The following ABCA5 variants were observed in gnomAD, a reference collection of about 807,000 sequenced individuals.
ABCA5 encodes the protein ATP binding cassette subfamily A member 5, also known as cholesterol transporter ABCA5.
Under a neutral mutation model 206.0 loss-of-function variants are expected in ABCA5, and 163 were observed. That is an observed-to-expected ratio of 0.79 (90% CI 0.70 to 0.90). The LOEUF (loss-of-function observed/expected upper bound fraction) is 0.90, where lower values mean the gene tolerates loss of function less well. Ranked by LOEUF, ABCA5 falls within the 40% of genes least tolerant of loss-of-function variation. The pLI, the probability that ABCA5 is intolerant of heterozygous loss-of-function variation, is 0.00. For missense variants in ABCA5, 1,859 were observed against 1,912.9 expected (o/e 0.97, Z 0.53); for synonymous variants, 609 against 613.8 (o/e 0.99, Z 0.11).
chr17:69,319,663 A>G (rs370580051), intron 1 of ABCA5, among the ~76,000 whole-genome samples: 13 of 152,352 alleles, frequency 8.5e-5, no homozygotes, highest in African/African-American at 2.6e-4. Flanking sequence ...AAGTTTACAC[A>G]TTCTTACTCT....
chr17:69,269,439 C>T (rs946476049), intron 22 of ABCA5, among the ~76,000 whole-genome samples: 5 of 152,172 alleles, frequency 3.3e-5, no homozygotes, highest in African/African-American at 9.7e-5. Context: ...TCCACAGACA[C>T]TGCTGCTGGA....
intron 24 of ABCA5, 77 bp downstream of exon 24, chr17:69,264,658 T>C (rs2144920620): frequency 1.9e-6 from 2 of 1,050,222 alleles, no homozygotes; most frequent in East Asian, 2.9e-5. Context: ...ATGCAATAAG[T>C]CAACTGTCAT....
At chr17:69,280,085 A>C (rs1179870811) in intron 18 of ABCA5, among the ~76,000 whole-genome samples, 1 of 152,174 alleles carries the variant, frequency 6.6e-6, no homozygotes, top group Non-Finnish European at 1.5e-5. Context: ...CTACCATCAG[A>C]GTGAACAGGC....
At chr17:69,308,013 A>G (rs999259390) in intron 5 of ABCA5, among the ~76,000 whole-genome samples, 1 of 152,166 alleles carries the variant, frequency 6.6e-6, no homozygotes. Flanking sequence ...TTCTAAGGTA[A>G]CTTCATCTAC....
At position 69,326,315 on chromosome 17, in the gene ABCA5, C is replaced by T. The variant is rs1163416223; in HGVS notation, c.-16+737G>A. On this transcript the variant is annotated intron_variant, in intron 1 of 38. Coordinates refer to ENST00000392676, the MANE Select transcript of ABCA5 (RefSeq NM_172232.4). This position sits in a 1 kb window ranked among gnomAD's most constrained non-coding sequence, Gnocchi z 4.8. ...CCTCTTCCCTTAGATTCCTTCAGAA[C>T]GCCCTTGTAGAAAGTAAACGTGGTT... Among the ~76,000 whole-genome samples the T allele has an allele frequency of 6.6e-6, 1 of 152,212 alleles. No homozygotes were observed. Among genetic ancestry groups the T allele is most frequent in the Non-Finnish European group, 1.5e-5 (1 of 68,044 alleles).
intron 11 of ABCA5, among the ~76,000 whole-genome samples, chr17:69,293,871 TGCGTGTGTGTGTGTTTGTGTG>T (rs2075556315): frequency 8.7e-6 from 1 of 115,298 alleles, no homozygotes; most frequent in African/African-American, 3.2e-5. Context: ...TGTGTGTGTG[TGCGTGTGTGTGTGTTTGTGTG>T]TGTGTGTATT....
In ABCA5 at chr17:69,250,514, C is replaced by G. The variant is rs758907008; in HGVS notation, c.4643G>C (p.Arg1548Thr). The G allele has an allele frequency of 1.2e-6, 2 of 1,604,974 alleles. No homozygotes were observed. Among genetic ancestry groups the G allele is most frequent in the Non-Finnish European group, 1.7e-6 (2 of 1,176,988 alleles). Reference sequence around the variant, plus strand: ...ATTTGGGAAAATATACTGAATTTCTCTTTGAAGGCGGTCTACTTCTAGGTT... The same window carrying G: ...ATTTGGGAAAATATACTGAATTTCTGTTTGAAGGCGGTCTACTTCTAGGTT... ...IENLEVDRLQREIQYIFPNAS... is the reference protein window; with the variant it reads ...IENLEVDRLQTEIQYIFPNAS... The change falls in exon 36 of 39, where the codon AGA (arginine) becomes ACA (threonine). Residue 1548 changes from arginine to threonine, a missense_variant. Coordinates refer to ENST00000392676, the MANE Select transcript of ABCA5 (RefSeq NM_172232.4).
chr17:69,297,041 A>G, intron 10 of ABCA5, 150 bp downstream of exon 10: 2 of 735,238 alleles, frequency 2.7e-6, no homozygotes, highest in Non-Finnish European at 4.2e-6. Flanking sequence ...AGAAAATAAG[A>G]AAAAGAGAAA....
At chr17:69,285,848 C>T (rs981114848) in intron 17 of ABCA5, 50 bp downstream of exon 17, 8 of 1,538,866 alleles carry the variant, frequency 5.2e-6, no homozygotes, top group Non-Finnish European at 7.0e-6. Flanking sequence ...AAACCTATTC[C>T]CAATATAGGA....
chr17:69,310,986 T>C (rs2075762935), intron 3 of ABCA5, among the ~76,000 whole-genome samples: 1 of 152,010 alleles, frequency 6.6e-6, no homozygotes, highest in African/African-American at 2.4e-5. Context: ...CAGGAGTAGA[T>C]TGCTTGAGAC....
chr17:69,309,223 C>T (rs11871086), intron 4 of ABCA5, 39 bp downstream of exon 4: 180,609 of 1,456,392 alleles, frequency 0.12, 12,328 homozygotes, highest in Non-Finnish European at 0.14. Flanking sequence ...CAAAGATATG[C>T]ATTTAATTGA....
At chr17:69,310,257 T>C (rs529454307) in intron 3 of ABCA5, among the ~76,000 whole-genome samples, 88 of 152,178 alleles carry the variant, frequency 5.8e-4, no homozygotes, top group African/African-American at 2.1e-3. Flanking sequence ...CCTCAGCTTC[T>C]GGAGTAGAGC....
chr17:69,290,107 T>A lies in ABCA5; in HGVS notation c.1607-70A>T, dbSNP rs895606771. ...ATGTGTATGTTTTCAAGTATCCTGA[T>A]AACTTAGTTATTTGGTTATAACAGA... is the stretch of plus-strand genomic sequence containing the variant. On this transcript the variant is annotated intron_variant, in intron 12 of 38. Transcript: ENST00000392676. 36 of 1,111,746 alleles carry A rather than the reference T, an allele frequency of 3.2e-5. No individual in the cohort carries two copies. In the African/African-American group the frequency reaches 4.9e-4, roughly 15 times the overall value. 68.9% of individuals were successfully genotyped at this position (1,111,746 alleles called of 1,614,324 possible).
chr17:69,309,247 T>G lies in ABCA5; in HGVS notation c.469+15A>C. 6.5e-7 allele frequency: 1 copy of G among 1,535,752 alleles called. No homozygotes were observed. Among genetic ancestry groups the G allele is most frequent in the Non-Finnish European group, 8.7e-7 (1 of 1,146,004 alleles). On this transcript the variant is annotated intron_variant, in intron 4 of 38. Transcript: ENST00000392676. ...GCATTTAATTGATCTTCAATGATTATGTAGGGCTATTTACCTCTTGAATCC... is the reference window on the plus strand; with the variant it reads ...GCATTTAATTGATCTTCAATGATTAGGTAGGGCTATTTACCTCTTGAATCC...
At chr17:69,296,913 C>T (rs188835352) in intron 10 of ABCA5, among the ~76,000 whole-genome samples, 5 of 152,148 alleles carry the variant, frequency 3.3e-5, no homozygotes, top group East Asian at 3.9e-4. Context: ...TACAGTGAGC[C>T]GAGATTGTGC....
Position 69,245,176 on chromosome 17 carries a change from A to T in ABCA5, c.*2361T>A, listed in dbSNP as rs1316341773. 6.6e-6 allele frequency: 1 copy of T among 151,824 alleles called. No individual in the cohort carries two copies. The highest frequency in any genetic ancestry group is 1.9e-4 in the East Asian group (1 of 5,206). 9.4% of individuals were successfully genotyped at this position (151,824 alleles called of 1,614,324 possible). ...AAACCCACTGTCTTTACTGAAAACA[A>T]ACTAGAAAAAAAAATTAAGAGCCCA... On this transcript the variant is annotated 3_prime_UTR_variant, in exon 39 of 39. Transcript: ENST00000392676.
rs1050495404 is a variant in ABCA5, at chr17:69,247,431, C to T, written c.*106G>A. 5.1e-5 allele frequency: 35 copies of T among 685,766 alleles called. No homozygotes were observed. Among genetic ancestry groups the T allele is most frequent in the Middle Eastern group, 3.2e-4 (1 of 3,164 alleles). 42.5% of individuals were successfully genotyped at this position (685,766 alleles called of 1,614,324 possible). A position where few individuals can be genotyped will look rare whatever the true frequency, so the allele number is the denominator to read the frequency against. Reference sequence around the variant, plus strand: ...AAGGAGCTTAGAAAAATTTCAAGTGCGTTCTTGGTTCTCCAGTTACCATTC... The same window carrying T: ...AAGGAGCTTAGAAAAATTTCAAGTGTGTTCTTGGTTCTCCAGTTACCATTC... On this transcript the variant is annotated 3_prime_UTR_variant, in exon 39 of 39. Transcript: ENST00000392676.
At chr17:69,276,529 T>A (rs562041067) in intron 19 of ABCA5, among the ~76,000 whole-genome samples, 20 of 152,238 alleles carry the variant, frequency 1.3e-4, no homozygotes, top group African/African-American at 4.3e-4. Context: ...CTGGAAACCA[T>A]CATTCTCAGC....
chr17:69,276,100 G>A (rs1315223848), intron 19 of ABCA5, among the ~76,000 whole-genome samples: 2 of 131,430 alleles, frequency 1.5e-5, no homozygotes, highest in Non-Finnish European at 3.2e-5. Context: ...GGGGGGCGGG[G>A]GGGCAGGGAC....
Sources: gnomAD v4.1 joint callset for allele counts (sites outside exome capture counted in the v4.1 genomes callset) on GRCh38, gnomAD v4.1.1 for gene constraint, Gnocchi (gnomAD v3.1) non-coding constraint, MANE v1.5 for transcripts, NCBI Gene and HGNC (gene_info 2026-07-23, HGNC 2026-07-21) for gene names.